The following FGF14 variants were observed in gnomAD, a reference collection of about 807,000 sequenced individuals.
The protein encoded by FGF14 is fibroblast growth factor 14.
FGF14 carries 5 observed loss-of-function variants against 25.5 expected under a neutral mutation model. The ratio of observed to expected loss-of-function variants is 0.20; its 90% CI spans 0.10 to 0.41. FGF14 has a LOEUF of 0.41. FGF14 is among the 10% of genes least tolerant of loss of function. The pLI, the probability that FGF14 is intolerant of heterozygous loss-of-function variation, is 1.00. For missense variants in FGF14, 222 were observed against 320.1 expected, an observed-to-expected ratio of 0.69 and a Z score of 2.34; for synonymous variants, 138 against 118.3, an observed-to-expected ratio of 1.17 and a Z score of -1.08.
intron 1 of FGF14, among the ~76,000 whole-genome samples, chr13:102,350,036 A>G (rs1471641715): frequency 6.6e-6 from 1 of 152,232 alleles, no homozygotes; most frequent in Non-Finnish European, 1.5e-5. Context: ...GTGAATATGG[A>G]CTATGGTGAC....
intron 1 of FGF14, among the ~76,000 whole-genome samples, chr13:102,188,421 TCTGTGTGACC>T (rs1191623322): frequency 6.6e-6 from 1 of 152,236 alleles, no homozygotes; most frequent in African/African-American, 2.4e-5. Context: ...ATTTCAATTA[TCTGTGTGACC>T]TTGGGATATT....
At chr13:102,253,177 A>C (rs2052272837) in intron 1 of FGF14, among the ~76,000 whole-genome samples, 1 of 152,192 alleles carries the variant, frequency 6.6e-6, no homozygotes, top group South Asian at 2.1e-4. Flanking sequence ...TCCTTTGGGT[A>C]TATACGCAGT....
At chr13:101,744,544 G>T (rs186599554) in intron 3 of FGF14, among the ~76,000 whole-genome samples, 1 of 152,158 alleles carries the variant, frequency 6.6e-6, no homozygotes, top group East Asian at 1.9e-4. Context: ...ATGCACAGTA[G>T]ATGATTAATA....
chr13:102,300,091 C>T (rs889231273), intron 1 of FGF14: 1 of 152,132 alleles, frequency 6.6e-6, no homozygotes, highest in African/African-American at 2.4e-5. Context: ...CTGCTACATT[C>T]TCATATAATT....
At position 101,718,776 on chromosome 13, in the gene FGF14, AC is replaced by A. The variant is rs1315774253; in HGVS notation, c.*4054del. 1 of 150,272 alleles carries A rather than the reference AC, an allele frequency of 6.7e-6. No individual in the cohort carries two copies. Among genetic ancestry groups the A allele is most frequent in the Non-Finnish European group, 1.5e-5 (1 of 67,626 alleles). 9.3% of individuals were successfully genotyped at this position (150,272 alleles called of 1,614,324 possible). On this transcript the variant is annotated 3_prime_UTR_variant, in exon 5 of 5. Transcript: ENST00000376143. ...GACATTGGAATTAGACTTAGTGAAAACCAGGAAAAAAAAAAAAAACTAAAAT... is the reference window on the plus strand; with the variant it reads ...GACATTGGAATTAGACTTAGTGAAAACAGGAAAAAAAAAAAAAACTAAAAT...
At position 101,716,943 on chromosome 13, in the gene FGF14, C is replaced by T. The variant is rs1157355723; in HGVS notation, c.*5888G>A. 1 of 151,886 alleles carries T rather than the reference C, an allele frequency of 6.6e-6. No individual in the cohort carries two copies. The highest frequency in any genetic ancestry group is 1.5e-5 in the Non-Finnish European group (1 of 67,944). The allele number at this position is 151,886 out of a possible 1,614,324, so 9.4% of individuals were successfully genotyped here. Reference sequence around the variant, plus strand: ...AAAGTGTACAATAATTGGGACTTCCCTTACATATTTACAGGTAAATCTACT... The same window carrying T: ...AAAGTGTACAATAATTGGGACTTCCTTTACATATTTACAGGTAAATCTACT... On this transcript the variant is annotated 3_prime_UTR_variant, in exon 5 of 5. Coordinates refer to ENST00000376143, the MANE Select transcript of FGF14 (RefSeq NM_004115.4).
At position 102,258,842 on chromosome 13, in the gene FGF14, C is replaced by T. The variant is rs191852802; in HGVS notation, c.208+142629G>A. Among the ~76,000 whole-genome samples the T allele has an allele frequency of 4.6e-5, 7 of 152,248 alleles. No individual in the cohort carries two copies. In the East Asian group the frequency reaches 1.4e-3, roughly 29 times the overall value. ...AAGTAGGTTTGGGACAAATACTATT[C>T]AAGTAAAACTAATGTGAAAAGTAAA... On this transcript the variant is annotated intron_variant, in intron 1 of 4. Transcript: ENST00000376131.
At chr13:102,270,408 C>T (rs1283271480) in intron 1 of FGF14, among the ~76,000 whole-genome samples, 1 of 152,098 alleles carries the variant, frequency 6.6e-6, no homozygotes, top group African/African-American at 2.4e-5. Flanking sequence ...AATGACTTTA[C>T]CACTGAATCT....
At chr13:101,785,028 C>T (rs1246628187) in intron 3 of FGF14, among the ~76,000 whole-genome samples, 1 of 152,040 alleles carries the variant, frequency 6.6e-6, no homozygotes, top group Non-Finnish European at 1.5e-5. Flanking sequence ...ACAACCAACC[C>T]CAGATCTGCT....
chr13:101,928,345 T>C (rs1484403763), intron 1 of FGF14, among the ~76,000 whole-genome samples: 1 of 152,148 alleles, frequency 6.6e-6, no homozygotes, highest in Non-Finnish European at 1.5e-5. Context: ...TGAAAACTAA[T>C]ACAACTTGAA....
At chr13:102,015,412 A>G (rs16959601) in intron 1 of FGF14, among the ~76,000 whole-genome samples, 4,885 of 152,296 alleles carry the variant, frequency 0.032, 253 homozygotes, top group African/African-American at 0.11. Flanking sequence ...GATCCATAGT[A>G]GAAGAATGAA....
intron 1 of FGF14, among the ~76,000 whole-genome samples, chr13:102,296,317 C>A (rs1023906505): frequency 6.6e-5 from 10 of 152,126 alleles, no homozygotes; most frequent in Non-Finnish European, 7.4e-5. Flanking sequence ...AGGATTTCTG[C>A]AACTTCTTCT....
At chr13:102,015,502 T>G (rs950168162) in intron 1 of FGF14, among the ~76,000 whole-genome samples, 3 of 152,208 alleles carry the variant, frequency 2.0e-5, no homozygotes, top group African/African-American at 7.2e-5. Flanking sequence ...TCAACCATTG[T>G]TCTTAGCAAA....
chr13:102,116,146 C>T (rs1285937402), intron 1 of FGF14, among the ~76,000 whole-genome samples: 1 of 152,030 alleles, frequency 6.6e-6, no homozygotes, highest in Admixed American at 6.6e-5. Context: ...GAATAAAACA[C>T]AATCCACCAC....
chr13:101,894,454 T>C (rs2030305807), intron 1 of FGF14, among the ~76,000 whole-genome samples: 1 of 152,130 alleles, frequency 6.6e-6, no homozygotes, highest in South Asian at 2.1e-4. Context: ...TCAGGGCAAC[T>C]GACTGAGACT....
chr13:102,388,641 T>C (rs1207155510), intron 1 of FGF14, among the ~76,000 whole-genome samples: 2 of 152,210 alleles, frequency 1.3e-5, no homozygotes, highest in Non-Finnish European at 2.9e-5. Flanking sequence ...CTCCTGCTCA[T>C]ATTACATACC....
intron 3 of FGF14, among the ~76,000 whole-genome samples, chr13:101,739,758 C>A (rs1188565700): frequency 1.3e-5 from 2 of 152,040 alleles, no homozygotes. Context: ...AAGAGAGAGA[C>A]GCTCTCATAT....
At chr13:101,758,197 C>G (rs537595929) in intron 3 of FGF14, among the ~76,000 whole-genome samples, 1 of 152,132 alleles carries the variant, frequency 6.6e-6, no homozygotes, top group Admixed American at 6.5e-5. Flanking sequence ...ATAATGACAA[C>G]AGAAAATAAT....
At chr13:102,020,300 G>A (rs1335484261) in intron 1 of FGF14, among the ~76,000 whole-genome samples, 3 of 152,156 alleles carry the variant, frequency 2.0e-5, no homozygotes, top group Non-Finnish European at 4.4e-5. Flanking sequence ...TGTAATCCCA[G>A]CACTTTGGGA....
Sources: allele counts gnomAD v4.1 joint callset (sites outside exome capture counted in the v4.1 genomes callset), GRCh38; gene constraint gnomAD v4.1.1; transcripts MANE v1.5; gene names NCBI Gene and HGNC (gene_info 2026-07-23, HGNC 2026-07-21).